The following RGS17 variants were observed in gnomAD, a reference collection of about 807,000 sequenced individuals.
The protein encoded by RGS17 is regulator of G-protein signaling 17.
RGS17 carries 12 observed loss-of-function variants against 25.5 expected under a neutral mutation model. The ratio of observed to expected loss-of-function variants is 0.47; its 90% CI spans 0.30 to 0.76. The LOEUF is 0.76. RGS17 is among the 30% of genes least tolerant of loss of function. RGS17 has a pLI of 0.07. For missense variants in RGS17, 196 were observed against 242.2 expected, an observed-to-expected ratio of 0.81 and a Z score of 1.27; for synonymous variants, 71 against 76.9, an observed-to-expected ratio of 0.92 and a Z score of 0.40.
chr6:153,049,005 A>G (rs1776422278), intron 1 of RGS17, among the ~76,000 whole-genome samples: 1 of 152,214 alleles, frequency 6.6e-6, no homozygotes, highest in Non-Finnish European at 1.5e-5. Context: ...ATTCCTATTA[A>G]CGATAAGAAG....
chr6:153,020,642 A>G (rs1399035462), intron 4 of RGS17, among the ~76,000 whole-genome samples: 1 of 152,210 alleles, frequency 6.6e-6, no homozygotes, highest in Non-Finnish European at 1.5e-5. Context: ...ACAAATACGC[A>G]ATCAAATTAA....
intron 1 of RGS17, among the ~76,000 whole-genome samples, chr6:153,080,531 G>A (rs928919844): frequency 3.3e-5 from 5 of 151,592 alleles, no homozygotes; most frequent in Non-Finnish European, 7.4e-5. Context: ...GGATTTTTAT[G>A]ACTTCTAATC....
chr6:153,112,400 G>A (rs1299303584), intron 1 of RGS17, among the ~76,000 whole-genome samples: 6 of 152,148 alleles, frequency 3.9e-5, no homozygotes, highest in African/African-American at 1.2e-4. Context: ...AATGAATAAC[G>A]CCTCCACGAA....
chr6:153,093,940 A>G (rs1226829934), intron 1 of RGS17, among the ~76,000 whole-genome samples: 1 of 152,164 alleles, frequency 6.6e-6, no homozygotes, highest in Non-Finnish European at 1.5e-5. Context: ...CTAGTACCCC[A>G]CAGGATTGTT....
At chr6:153,037,544 G>A (rs572753363) in intron 2 of RGS17, among the ~76,000 whole-genome samples, 4 of 151,272 alleles carry the variant, frequency 2.6e-5, no homozygotes, top group South Asian at 2.1e-4. Flanking sequence ...TCCTGCCTCC[G>A]CCTCCTGAGT....
At chr6:153,040,271 A>G (rs1349619009) in intron 2 of RGS17, among the ~76,000 whole-genome samples, 1 of 152,212 alleles carries the variant, frequency 6.6e-6, no homozygotes, top group African/African-American at 2.4e-5. Flanking sequence ...AGAATTTTGA[A>G]AGAAACTGTG....
chr6:153,071,340 G>C (rs1395920371), intron 1 of RGS17, among the ~76,000 whole-genome samples: 1 of 151,800 alleles, frequency 6.6e-6, no homozygotes, highest in Non-Finnish European at 1.5e-5. Flanking sequence ...CACAGAGTAG[G>C]TACTTGGCTC....
At chr6:153,020,105 A>ATATATATATATAT (rs1469690646) in intron 4 of RGS17, among the ~76,000 whole-genome samples, 1 of 23,362 alleles carries the variant, frequency 4.3e-5, no homozygotes, top group African/African-American at 1.5e-4. Flanking sequence ...TATCTTAAAA[A>ATATATATATATAT]AAAAAAATAT....
chr6:153,042,911 G>A (rs546927972), intron 2 of RGS17, among the ~76,000 whole-genome samples: 1 of 152,316 alleles, frequency 6.6e-6, no homozygotes, highest in South Asian at 2.1e-4. Context: ...CAACATATGG[G>A]CCTTTCTCTA....
chr6:153,057,016 T>G (rs1003734487), intron 1 of RGS17, among the ~76,000 whole-genome samples: 4 of 152,070 alleles, frequency 2.6e-5, no homozygotes, highest in Non-Finnish European at 5.9e-5. Flanking sequence ...AAGTTTCACA[T>G]ACAATTCTTA....
chr6:153,116,261 A>G (rs1404922658), intron 1 of RGS17, among the ~76,000 whole-genome samples: 5 of 152,244 alleles, frequency 3.3e-5, no homozygotes, highest in African/African-American at 1.2e-4. Flanking sequence ...AAGTGGGTGA[A>G]GGATATGAAC....
At chr6:153,055,600 T>C (rs184853224) in intron 1 of RGS17, among the ~76,000 whole-genome samples, 6 of 152,260 alleles carry the variant, frequency 3.9e-5, no homozygotes, top group Admixed American at 2.6e-4. Flanking sequence ...GAAAGTGTTT[T>C]ACAGCTGGCA....
intron 1 of RGS17, among the ~76,000 whole-genome samples, chr6:153,064,344 G>A (rs1208540838): frequency 1.3e-5 from 2 of 152,042 alleles, no homozygotes; most frequent in East Asian, 3.9e-4. Context: ...AAAAGTGGGG[G>A]GATGGGCAAG....
rs916171623 is a variant in RGS17 at position 153,046,502 on chromosome 6, TA to T, written c.-25-2460del. Among the ~76,000 whole-genome samples the T allele has an allele frequency of 2.0e-5, 3 of 151,560 alleles. 1 individual carries two copies. The highest frequency in any genetic ancestry group is 2.0e-4 in the Admixed American group (3 of 15,234). On this transcript the variant is annotated intron_variant, in intron 1 of 4. Coordinates refer to ENST00000206262, the MANE Select transcript of RGS17 (RefSeq NM_012419.5). ...ATATGTACAATTATTATTTGTCAAT[TA>T]AAAATAAATAATAAAATAAAATAAA...
intron 1 of RGS17, among the ~76,000 whole-genome samples, chr6:153,072,123 A>G (rs1413758988): frequency 6.6e-6 from 1 of 152,166 alleles, no homozygotes; most frequent in Non-Finnish European, 1.5e-5. Context: ...GGAGTGTCCA[A>G]CTGCCCAGGC....
At position 153,005,954 on chromosome 6, in the gene RGS17, GTAAATC is replaced by G. The variant is rs1242075276; in HGVS notation, c.*5614_*5619del. ...GGACCTCTCTATTTGGAGTTTTTCT[GTAAATC>G]TAAAACTACTCTAAAATAAAAGGTT... On this transcript the variant is annotated 3_prime_UTR_variant, in exon 5 of 5. Coordinates refer to ENST00000206262, the MANE Select transcript of RGS17 (RefSeq NM_012419.5). The G allele has an allele frequency of 5.3e-5, 8 of 152,250 alleles. No homozygotes were observed. The highest frequency in any genetic ancestry group is 3.4e-3 in the Middle Eastern group (1 of 294). 9.4% of individuals were successfully genotyped at this position (152,250 alleles called of 1,614,324 possible). A position where few individuals can be genotyped will look rare whatever the true frequency, so the allele number is the denominator to read the frequency against.
At chr6:153,052,536 A>G (rs911377509) in intron 1 of RGS17, among the ~76,000 whole-genome samples, 2 of 151,392 alleles carry the variant, frequency 1.3e-5, no homozygotes, top group African/African-American at 4.9e-5. Context: ...TTTTGCACCA[A>G]CCTAATATTT....
chr6:153,042,991 G>A (rs539057815), intron 2 of RGS17, among the ~76,000 whole-genome samples: 15 of 152,178 alleles, frequency 9.9e-5, no homozygotes, highest in African/African-American at 1.9e-4. Flanking sequence ...TAAACTGTAT[G>A]TTAAAAGACC....
chr6:153,032,718 A>G (rs1776169744), intron 2 of RGS17, among the ~76,000 whole-genome samples: 1 of 152,224 alleles, frequency 6.6e-6, no homozygotes, highest in African/African-American at 2.4e-5. Context: ...GGAGGTTTGC[A>G]TAACTGCAAC....
Sources: gnomAD v4.1 joint callset for allele counts (sites outside exome capture counted in the v4.1 genomes callset) on GRCh38, gnomAD v4.1.1 for gene constraint, MANE v1.5 for transcripts, NCBI Gene and HGNC (gene_info 2026-07-23, HGNC 2026-07-21) for gene names.